Variants in FARSB observed in about 807,000 individuals in gnomAD.
FARSB encodes phenylalanyl-tRNA synthetase subunit beta, also known as phenylalanine--tRNA ligase beta subunit.
FARSB carries 40 observed loss-of-function variants against 69.6 expected under a neutral mutation model. That is an observed-to-expected ratio of 0.57 (90% CI 0.45 to 0.75). The LOEUF (loss-of-function observed/expected upper bound fraction) is 0.75, where lower values mean the gene tolerates loss of function less well. FARSB is among the 30% of genes least tolerant of loss of function. The probability of loss-of-function intolerance (pLI) is 0.00; values close to 1 mark genes in which losing one functional copy is unlikely to be tolerated. For missense variants in FARSB, 632 were observed against 722.9 expected (o/e 0.87, Z 1.44); for synonymous variants, 235 against 247.2 (o/e 0.95, Z 0.46).
rs375003504 is a variant in FARSB, at chr2:222,610,602, T to A, written c.1462+3209A>T. 7.5e-4 allele frequency among the ~76,000 whole-genome samples: 114 copies of A among 152,226 alleles called. 2 individuals carry two copies. The South Asian group carries it at 0.023, about 31-fold the overall frequency. On this transcript the variant is annotated intron_variant, in intron 15 of 16. Transcript: ENST00000281828. ...CCCCAAGTGCCTCAGCAAGGTGACA[T>A]TAGCCCTTTAATGGACAGCTAAGGC...
intron 6 of FARSB, among the ~76,000 whole-genome samples, chr2:222,633,575 G>C (rs1007094429): frequency 1.3e-5 from 2 of 151,456 alleles, no homozygotes; most frequent in African/African-American, 4.9e-5. Context: ...CCAGCTACTC[G>C]GGAGGCTGAG....
intron 4 of FARSB, among the ~76,000 whole-genome samples, chr2:222,640,611 C>T (rs1286014330): frequency 6.6e-6 from 1 of 152,126 alleles, no homozygotes; most frequent in Non-Finnish European, 1.5e-5. Context: ...AAAAAACTAG[C>T]CGGGTGTGGT....
At chr2:222,585,116 C>T (rs1473164859) in intron 16 of FARSB, among the ~76,000 whole-genome samples, 1 of 152,188 alleles carries the variant, frequency 6.6e-6, no homozygotes, top group African/African-American at 2.4e-5. Context: ...ACACCTCATA[C>T]AGCCGGGTGG....
chr2:222,582,575 A>T (rs1238466659), intron 16 of FARSB, among the ~76,000 whole-genome samples: 1 of 152,224 alleles, frequency 6.6e-6, no homozygotes. Context: ...TGTTGATAAT[A>T]GTATTTTTAT....
In FARSB at chr2:222,572,009, G is replaced by A. The variant is rs1162446360; in HGVS notation, c.1632C>T (p.Phe544=). ...VIKASEGPAF[F]PGRCAEIFAR... ...CAAAGATCTCTGCACATCGCCCGGG[G>A]AAGAAAGCAGGCCCTGAAAAAGAGA... The change falls in exon 17 of 17, where the codon TTC becomes TTT. Residue 544 remains phenylalanine (F), a synonymous_variant. Coordinates refer to ENST00000281828, the MANE Select transcript of FARSB (RefSeq NM_005687.5). 2.5e-6 allele frequency: 4 copies of A among 1,610,472 alleles called. No individual in the cohort carries two copies. The highest frequency in any genetic ancestry group is 3.4e-6 in the Non-Finnish European group (4 of 1,179,128).
At chr2:222,611,054 AAATC>A (rs1690836302) in intron 15 of FARSB, among the ~76,000 whole-genome samples, 1 of 152,194 alleles carries the variant, frequency 6.6e-6, no homozygotes. Context: ...TTATGAAACA[AAATC>A]CAGGCCTACC....
intron 1 of FARSB, among the ~76,000 whole-genome samples, chr2:222,654,154 A>G (rs1457915245): frequency 6.6e-6 from 1 of 152,150 alleles, no homozygotes; most frequent in Admixed American, 6.5e-5. Flanking sequence ...TTTGCCACCT[A>G]CCATCTTAGG....
In FARSB at chr2:222,567,668, G is replaced by A. The variant is rs904072916; in HGVS notation, c.*4203C>T. On this transcript the variant is annotated 3_prime_UTR_variant, in exon 17 of 17. Transcript: ENST00000281828. Reference sequence around the variant, plus strand: ...AGCGACTTCTACATCTAAGATGTAAGGTACTGGAATAATATATAGTTCAAG... The same window carrying A: ...AGCGACTTCTACATCTAAGATGTAAAGTACTGGAATAATATATAGTTCAAG... 1 of 152,140 alleles carries A rather than the reference G, an allele frequency of 6.6e-6. No individual in the cohort carries two copies. The highest frequency in any genetic ancestry group is 1.5e-5 in the Non-Finnish European group (1 of 68,026). The allele number at this position is 152,140 out of a possible 1,614,324, so 9.4% of individuals were successfully genotyped here.
intron 16 of FARSB, among the ~76,000 whole-genome samples, chr2:222,575,955 TCA>T (rs1689829365): frequency 6.6e-6 from 1 of 151,424 alleles, no homozygotes; most frequent in Non-Finnish European, 1.5e-5. Context: ...TAAACACTTT[TCA>T]CAGTTTCTTT....
chr2:222,608,753 C>G (rs950173983), intron 15 of FARSB, among the ~76,000 whole-genome samples: 1 of 152,138 alleles, frequency 6.6e-6, no homozygotes, highest in Non-Finnish European at 1.5e-5. Context: ...GTAGCTTGCA[C>G]CAGGACTACA....
At chr2:222,643,542 G>A (rs191569597) in intron 2 of FARSB, among the ~76,000 whole-genome samples, 1 of 151,880 alleles carries the variant, frequency 6.6e-6, no homozygotes. Context: ...TGTCAAAGGG[G>A]TAAAAGAAAG....
At chr2:222,614,063 T>C (rs1309762139) in intron 14 of FARSB, 135 bp from the exon 15 acceptor site, 3 of 466,848 alleles carry the variant, frequency 6.4e-6, no homozygotes, top group Non-Finnish European at 1.2e-5. Context: ...CCCTAAAATA[T>C]CCAAGTCACT....
chr2:222,604,923 A>C (rs1690661320), intron 15 of FARSB, among the ~76,000 whole-genome samples: 1 of 151,972 alleles, frequency 6.6e-6, no homozygotes, highest in South Asian at 2.1e-4. Flanking sequence ...GAAGATAAGC[A>C]CACACAAATA....
intron 10 of FARSB, 105 bp from the exon 11 acceptor site, chr2:222,624,880 G>T: frequency 1.5e-6 from 1 of 650,566 alleles, no homozygotes; most frequent in Non-Finnish European, 2.7e-6. Flanking sequence ...CCAAGAAATT[G>T]TCATTAGAGC....
intron 16 of FARSB, among the ~76,000 whole-genome samples, chr2:222,585,657 A>G (rs967929578): frequency 6.6e-6 from 1 of 152,232 alleles, no homozygotes; most frequent in African/African-American, 2.4e-5. Flanking sequence ...TAGAATAAAC[A>G]GCATAGAGAA....
intron 10 of FARSB, among the ~76,000 whole-genome samples, chr2:222,628,146 G>A (rs903471049): frequency 5.3e-5 from 8 of 152,138 alleles, no homozygotes; most frequent in Non-Finnish European, 1.2e-4. Flanking sequence ...TAATTCAAGC[G>A]TGAACAGACT....
chr2:222,608,799 A>T (rs2106205658), intron 15 of FARSB, among the ~76,000 whole-genome samples: 1 of 152,334 alleles, frequency 6.6e-6, no homozygotes, highest in South Asian at 2.1e-4. Flanking sequence ...TGCTCTGAGC[A>T]AAAAGTGAAG....
intron 15 of FARSB, among the ~76,000 whole-genome samples, chr2:222,604,263 T>C (rs1184742501): frequency 6.6e-6 from 1 of 152,026 alleles, no homozygotes; most frequent in Non-Finnish European, 1.5e-5. Flanking sequence ...GTTTTTTATA[T>C]GATAAACAGA....
At chr2:222,628,496 T>A (rs1181963381) in intron 10 of FARSB, among the ~76,000 whole-genome samples, 2 of 152,238 alleles carry the variant, frequency 1.3e-5, no homozygotes, top group Non-Finnish European at 2.9e-5. Flanking sequence ...GTTAATAGAA[T>A]AAATCATAGG....
Sources: allele counts gnomAD v4.1 joint callset (sites outside exome capture counted in the v4.1 genomes callset), GRCh38; gene constraint gnomAD v4.1.1; transcripts MANE v1.5; gene names NCBI Gene and HGNC (gene_info 2026-07-23, HGNC 2026-07-21).